Variants in TENM2 observed in about 807,000 individuals in gnomAD.
The protein encoded by TENM2 is teneurin-2.
TENM2 carries 52 observed loss-of-function variants against 245.2 expected under a neutral mutation model. That is an observed-to-expected ratio of 0.21 (90% CI 0.17 to 0.27). The LOEUF is 0.27. Among genes scored for constraint, TENM2 ranks in the 10% least tolerant of loss-of-function variants. The probability of loss-of-function intolerance (pLI) is 1.00; values close to 1 mark genes in which losing one functional copy is unlikely to be tolerated. For synonymous variants in TENM2, 1,363 were observed against 1,438.9 expected (o/e 0.95, Z 1.19); for missense variants, 3,046 against 3,666.8 (o/e 0.83, Z 4.37).
intron 2 of TENM2, among the ~76,000 whole-genome samples, chr5:167,791,478 TTATA>T (rs1329123264): frequency 7.9e-6 from 1 of 126,418 alleles, no homozygotes; most frequent in Non-Finnish European, 1.7e-5. Flanking sequence ...TTATAATTTA[TTATA>T]TATATAATGT....
At chr5:168,129,357 C>T (rs1256946679) in intron 12 of TENM2, 7 of 152,162 alleles carry the variant, frequency 4.6e-5, no homozygotes, top group Non-Finnish European at 7.3e-5. Context: ...TCTTGAGAGA[C>T]ATTCAGAAAG....
chr5:168,217,256 G>GT (rs1295540931), intron 22 of TENM2, among the ~76,000 whole-genome samples: 1 of 152,164 alleles, frequency 6.6e-6, no homozygotes, highest in Non-Finnish European at 1.5e-5. Context: ...AGAATGTACT[G>GT]TACAGTGTTA....
At chr5:167,951,925 A>G (rs1176730660) in intron 3 of TENM2, among the ~76,000 whole-genome samples, 1 of 152,124 alleles carries the variant, frequency 6.6e-6, no homozygotes, top group Non-Finnish European at 1.5e-5. Context: ...AATTGTCAAC[A>G]TTTTTAAAAA....
chr5:168,218,107 A>G lies in TENM2; in HGVS notation c.4234-18A>G, dbSNP rs753525411. The G allele has an allele frequency of 1.9e-6, 3 of 1,605,696 alleles. No homozygotes were observed. Among genetic ancestry groups the G allele is most frequent in the Non-Finnish European group, 2.6e-6 (3 of 1,173,946 alleles). On this transcript the variant is annotated intron_variant, in intron 22 of 28. Coordinates refer to ENST00000518659, the Ensembl canonical transcript of TENM2. This position sits in a 1 kb window ranked among gnomAD's most constrained non-coding sequence, Gnocchi z 5.2. Reference sequence around the variant, plus strand: ...ATATTAAAGGCTGTTCTTTAATCTGATACCACGTCATCCACAGGTTCGTCT... The same window carrying G: ...ATATTAAAGGCTGTTCTTTAATCTGGTACCACGTCATCCACAGGTTCGTCT...
chr5:167,859,820 G>A (rs1771548509), intron 2 of TENM2, among the ~76,000 whole-genome samples: 3 of 64,546 alleles, frequency 4.6e-5, no homozygotes, highest in African/African-American at 1.5e-4. Flanking sequence ...CGCCCCGTCT[G>A]GGAGGTGAGG....
At chr5:167,223,598 G>A in the TENM2 span, among the ~76,000 whole-genome samples, 1 of 152,012 alleles carries the variant, frequency 6.6e-6, no homozygotes, top group Non-Finnish European at 1.5e-5. Context: ...TCCACTTATG[G>A]ATACTCACTT....
At chr5:167,591,318 T>C (rs1775861897) in intron 2 of TENM2, among the ~76,000 whole-genome samples, 1 of 152,258 alleles carries the variant, frequency 6.6e-6, no homozygotes, top group South Asian at 2.1e-4. Context: ...AGATTTAATG[T>C]ATGACATAAA....
chr5:167,238,943 T>C, the TENM2 span, among the ~76,000 whole-genome samples: 1 of 152,208 alleles, frequency 6.6e-6, no homozygotes, highest in Non-Finnish European at 1.5e-5. Flanking sequence ...TGGGACCTAC[T>C]GAGCATTGCA....
intron 2 of TENM2, among the ~76,000 whole-genome samples, chr5:167,720,876 A>G (rs931141642): frequency 2.0e-5 from 3 of 152,224 alleles, no homozygotes; most frequent in Admixed American, 6.5e-5. Flanking sequence ...TGAATGTAAA[A>G]TGTATTACTC....
At chr5:166,988,606 A>T in the TENM2 span, among the ~76,000 whole-genome samples, 1 of 152,234 alleles carries the variant, frequency 6.6e-6, no homozygotes, top group Non-Finnish European at 1.5e-5. Context: ...GGTAAAGACT[A>T]ATTCTGGCTA....
the TENM2 span, among the ~76,000 whole-genome samples, chr5:166,995,760 G>A: frequency 7.4e-6 from 1 of 134,880 alleles, no homozygotes; most frequent in South Asian, 2.4e-4. Flanking sequence ...AGGTTGCAGT[G>A]AGCCGAGATG....
At chr5:167,853,289 CAA>C (rs777170514) in intron 2 of TENM2, among the ~76,000 whole-genome samples, 45 of 24,616 alleles carry the variant, frequency 1.8e-3, no homozygotes, top group South Asian at 5.0e-3. Context: ...GACTCCGTCT[CAA>C]AAAAAAAAAA....
the TENM2 span, among the ~76,000 whole-genome samples, chr5:167,131,416 T>A: frequency 6.6e-6 from 1 of 152,164 alleles, no homozygotes; most frequent in African/African-American, 2.4e-5. Flanking sequence ...TATTCCCGAT[T>A]GAGTGCCTGT....
intron 2 of TENM2, among the ~76,000 whole-genome samples, chr5:167,409,153 G>A (rs532588308): frequency 6.6e-6 from 1 of 151,956 alleles, no homozygotes; most frequent in East Asian, 1.9e-4. Context: ...TAGAAACTGA[G>A]CAATGTCACT....
intron 2 of TENM2, among the ~76,000 whole-genome samples, chr5:167,541,646 T>G (rs1048904446): frequency 1.3e-5 from 2 of 152,192 alleles, no homozygotes; most frequent in Non-Finnish European, 2.9e-5. Flanking sequence ...TTGCTTTAAG[T>G]GTTCTTTGGA....
intron 2 of TENM2, among the ~76,000 whole-genome samples, chr5:167,377,482 T>C (rs1042195438): frequency 7.9e-5 from 12 of 152,192 alleles, no homozygotes; most frequent in African/African-American, 2.7e-4. Flanking sequence ...TTTTAAAATA[T>C]ACAGGTAGAA....
At chr5:167,443,704 G>A (rs1162632670) in intron 2 of TENM2, among the ~76,000 whole-genome samples, 1 of 152,100 alleles carries the variant, frequency 6.6e-6, no homozygotes, top group Non-Finnish European at 1.5e-5. Context: ...AAGTACTTCT[G>A]AAATATGTTT....
chr5:167,122,662 G>A, the TENM2 span, among the ~76,000 whole-genome samples: 1 of 152,168 alleles, frequency 6.6e-6, no homozygotes, highest in Non-Finnish European at 1.5e-5. Context: ...GTAGAATTAG[G>A]AAGCCAAGTA....
At chr5:167,453,145 A>G (rs1351107603) in intron 2 of TENM2, among the ~76,000 whole-genome samples, 1 of 151,374 alleles carries the variant, frequency 6.6e-6, no homozygotes, top group Non-Finnish European at 1.5e-5. Context: ...ACCTGACAAT[A>G]TATTGTAACT....
Sources: allele counts gnomAD v4.1 joint callset (sites outside exome capture counted in the v4.1 genomes callset), GRCh38; gene constraint gnomAD v4.1.1; non-coding constraint Gnocchi (gnomAD v3.1); transcripts MANE v1.5; gene names NCBI Gene and HGNC (gene_info 2026-07-23, HGNC 2026-07-21).